PLXNA4: variants seen among roughly 807,000 people sequenced by gnomAD.
PLXNA4 encodes plexin A4, also known as plexin-A4.
PLXNA4 carries 44 observed loss-of-function variants against 191.8 expected under a neutral mutation model. The ratio of observed to expected loss-of-function variants is 0.23; its 90% CI spans 0.18 to 0.29. PLXNA4 has a LOEUF of 0.29. PLXNA4 is among the 10% of genes least tolerant of loss of function. The probability of loss-of-function intolerance (pLI) is 1.00; values close to 1 mark genes in which losing one functional copy is unlikely to be tolerated. For synonymous variants in PLXNA4, 1,082 were observed against 1,009.5 expected, an observed-to-expected ratio of 1.07 and a Z score of -1.36; for missense variants, 1,800 against 2,488.8, an observed-to-expected ratio of 0.72 and a Z score of 5.89.
At chr7:132,541,404 C>G (rs1800078904) in intron 1 of PLXNA4, among the ~76,000 whole-genome samples, 2 of 152,222 alleles carry the variant, frequency 1.3e-5, no homozygotes, top group African/African-American at 4.8e-5. Context: ...CGCAATTATT[C>G]TTTCTGCTCT....
At chr7:132,361,895 G>A (rs1803957521) in intron 3 of PLXNA4, among the ~76,000 whole-genome samples, 1 of 152,222 alleles carries the variant, frequency 6.6e-6, no homozygotes, top group Non-Finnish European at 1.5e-5. Flanking sequence ...TCAAAGAAAA[G>A]AACATTTAAA....
chr7:132,409,823 C>CT (rs1794377200), intron 3 of PLXNA4, among the ~76,000 whole-genome samples: 1 of 152,240 alleles, frequency 6.6e-6, no homozygotes. Flanking sequence ...GATACCTCCC[C>CT]TGTAGTCCCA....
intron 4 of PLXNA4, among the ~76,000 whole-genome samples, chr7:132,287,392 G>A (rs1318818133): frequency 6.6e-6 from 1 of 152,166 alleles, no homozygotes; most frequent in African/African-American, 2.4e-5. Context: ...TACGTGCTAG[G>A]CACTTTACAT....
At chr7:132,504,069 C>A (rs1161154400) in intron 2 of PLXNA4, among the ~76,000 whole-genome samples, 2 of 152,234 alleles carry the variant, frequency 1.3e-5, no homozygotes, top group East Asian at 1.9e-4. Context: ...ATGTCCACAG[C>A]AACACATTCC....
At chr7:132,513,743 G>A (rs1482629261) in intron 1 of PLXNA4, among the ~76,000 whole-genome samples, 1 of 151,968 alleles carries the variant, frequency 6.6e-6, no homozygotes, top group East Asian at 1.9e-4. Flanking sequence ...CACAATCTAG[G>A]CTCACTGCAA....
At chr7:132,562,315 T>C (rs1801212842) in intron 1 of PLXNA4, among the ~76,000 whole-genome samples, 1 of 120,114 alleles carries the variant, frequency 8.3e-6, no homozygotes, top group Non-Finnish European at 1.7e-5. Context: ...CTCTTCCTCC[T>C]CTTCCTCCTC....
At chr7:132,444,893 G>C (rs888803177) in intron 3 of PLXNA4, among the ~76,000 whole-genome samples, 7 of 151,466 alleles carry the variant, frequency 4.6e-5, no homozygotes, top group Non-Finnish European at 1.0e-4. Flanking sequence ...GCTGGGCGCG[G>C]TGGCTCACTC....
At chr7:132,379,767 G>A (rs191119247) in intron 3 of PLXNA4, among the ~76,000 whole-genome samples, 5 of 152,298 alleles carry the variant, frequency 3.3e-5, no homozygotes, top group East Asian at 1.9e-4. Context: ...CAGGATTCCC[G>A]AATCTCACAC....
intron 4 of PLXNA4, among the ~76,000 whole-genome samples, chr7:132,250,132 C>T (rs1193959385): frequency 2.6e-5 from 4 of 152,184 alleles, no homozygotes; most frequent in East Asian, 1.9e-4. Context: ...TTCATCAAGC[C>T]TCTTTTTCCT....
In PLXNA4 at chr7:132,297,897, A is replaced by G. The variant is rs576746079; in HGVS notation, c.1503+194T>C. Reference sequence around the variant, plus strand: ...ACTCTCCAATATTTTGATATTTTAAATGTTTCTTTCCTGTTTCAGAACACC... The same window carrying G: ...ACTCTCCAATATTTTGATATTTTAAGTGTTTCTTTCCTGTTTCAGAACACC... On this transcript the variant is annotated intron_variant, in intron 4 of 31. Transcript: ENST00000321063. 1.8e-4 allele frequency among the ~76,000 whole-genome samples: 27 copies of G among 152,326 alleles called. 1 individual carries two copies. Among genetic ancestry groups the G allele is most frequent in the Non-Finnish European group, 3.1e-4 (21 of 68,030 alleles).
chr7:132,232,778 G>C (rs73723755), intron 5 of PLXNA4, among the ~76,000 whole-genome samples: 5,664 of 152,248 alleles, frequency 0.037, 347 homozygotes, highest in African/African-American at 0.13. Context: ...GAGGGAGAGA[G>C]GTGGTGATTA....
At chr7:132,155,718 C>T (rs977242927) in intron 25 of PLXNA4, among the ~76,000 whole-genome samples, 5 of 152,334 alleles carry the variant, frequency 3.3e-5, no homozygotes, top group East Asian at 1.9e-4. Flanking sequence ...CAGCTTCCAA[C>T]ACATTGCAGT....
At chr7:132,319,484 G>A (rs1472470561) in intron 3 of PLXNA4, among the ~76,000 whole-genome samples, 1 of 151,996 alleles carries the variant, frequency 6.6e-6, no homozygotes, top group African/African-American at 2.4e-5. Flanking sequence ...CTGTTCTCAG[G>A]GTTCCTTGTA....
chr7:132,223,505 A>G (rs1342990494), intron 9 of PLXNA4, 22 bp downstream of exon 9: 2 of 1,589,302 alleles, frequency 1.3e-6, no homozygotes, highest in Admixed American at 3.4e-5. Flanking sequence ...GACACTCACC[A>G]CTCTGGCTGC....
At chr7:132,549,015 T>G (rs992536910) in intron 1 of PLXNA4, among the ~76,000 whole-genome samples, 2 of 152,166 alleles carry the variant, frequency 1.3e-5, no homozygotes, top group African/African-American at 4.8e-5. Flanking sequence ...CTATATGGTC[T>G]AAAAAATGGA....
At chr7:132,184,945 G>C (rs944186341) in intron 16 of PLXNA4, among the ~76,000 whole-genome samples, 1 of 152,164 alleles carries the variant, frequency 6.6e-6, no homozygotes, top group African/African-American at 2.4e-5. Context: ...CAGCCTGAAG[G>C]TGGGACCAGG....
At chr7:132,543,709 G>A (rs1389744627) in intron 1 of PLXNA4, among the ~76,000 whole-genome samples, 1 of 152,224 alleles carries the variant, frequency 6.6e-6, no homozygotes, top group African/African-American at 2.4e-5. Context: ...AGGCTAAAAA[G>A]GAAGGATCTT....
At chr7:132,241,514 G>A in intron 4 of PLXNA4, among the ~76,000 whole-genome samples, 1 of 152,290 alleles carries the variant, frequency 6.6e-6, no homozygotes, top group Admixed American at 6.5e-5. Context: ...AATTCATCAT[G>A]TATTTGTTTC....
At chr7:132,441,191 C>A (rs1795686523) in intron 3 of PLXNA4, among the ~76,000 whole-genome samples, 2 of 152,214 alleles carry the variant, frequency 1.3e-5, no homozygotes, top group Non-Finnish European at 2.9e-5. Flanking sequence ...CTCTTAGTCT[C>A]TGCCTGCTAG....
Sources: allele counts gnomAD v4.1 joint callset (sites outside exome capture counted in the v4.1 genomes callset), GRCh38; gene constraint gnomAD v4.1.1; transcripts MANE v1.5; gene names NCBI Gene and HGNC (gene_info 2026-07-23, HGNC 2026-07-21).